The following CACNB2 variants were observed in gnomAD, a reference collection of about 807,000 sequenced individuals.
CACNB2 encodes the protein voltage-dependent L-type calcium channel subunit beta-2.
CACNB2 carries 42 observed loss-of-function variants against 73.3 expected under a neutral mutation model. That is an observed-to-expected ratio of 0.57 (90% CI 0.45 to 0.74). The LOEUF (loss-of-function observed/expected upper bound fraction) is 0.74, where lower values mean the gene tolerates loss of function less well. Ranked by LOEUF, CACNB2 falls within the 30% of genes least tolerant of loss-of-function variation. The pLI, the probability that CACNB2 is intolerant of heterozygous loss-of-function variation, is 0.00. For synonymous variants in CACNB2, 348 were observed against 310.3 expected (o/e 1.12, Z -1.28); for missense variants, 940 against 853.0 (o/e 1.10, Z -1.27).
intron 2 of CACNB2, among the ~76,000 whole-genome samples, chr10:18,197,182 C>T (rs776576949): frequency 2.0e-4 from 31 of 152,122 alleles, no homozygotes; most frequent in Non-Finnish European, 4.1e-4. Context: ...TTTCGTTCCT[C>T]GTCTTGTTCT....
intron 2 of CACNB2, among the ~76,000 whole-genome samples, chr10:18,211,211 G>A (rs11013024): frequency 0.014 from 2,207 of 152,222 alleles, 69 homozygotes; most frequent in East Asian, 0.13. Context: ...AGAGGAAGAT[G>A]GAAAAGAGAA....
Position 18,388,278 on chromosome 10 carries a change from C to T in CACNB2, c.214-13646C>T, listed in dbSNP as rs561567997. ...GGTATATGTCCAGTATTTTATTAAA[C>T]GTTCTGAATATAGTCTAGATTTTCT... is the stretch of plus-strand genomic sequence containing the variant. On this transcript the variant is annotated intron_variant, in intron 2 of 13. Coordinates refer to ENST00000324631, the MANE Select transcript of CACNB2 (RefSeq NM_201596.3). Among the ~76,000 whole-genome samples the T allele has an allele frequency of 1.6e-3, 246 of 152,234 alleles. 1 individual carries two copies. The highest frequency in any genetic ancestry group is 5.6e-3 in the African/African-American group (232 of 41,538).
At chr10:18,520,975 T>C (rs2051820821) in intron 9 of CACNB2, among the ~76,000 whole-genome samples, 1 of 152,228 alleles carries the variant, frequency 6.6e-6, no homozygotes, top group Non-Finnish European at 1.5e-5. Flanking sequence ...GACGATAAAC[T>C]CCATGAGGGC....
rs77141223 is a variant in CACNB2 at position 18,539,716 on chromosome 10, C to T, written c.1975C>T (p.Arg659Cys). The change falls in exon 14 of 14, where the codon CGC (arginine) becomes TGC (cysteine). Residue 659 changes from arginine (R) to cysteine (C), a missense_variant. Transcript: ENST00000324631. ...AGEWNRDVYI[R>C]Q ...GGAGTGGAACAGGGATGTTTACATC[C>T]GCCAATGAGTTTTGCCCGTTTGTGT... is the stretch of plus-strand genomic sequence containing the variant. 2.2e-4 allele frequency: 359 copies of T among 1,605,158 alleles called. 1 individual carries two copies. In the African/African-American group the frequency reaches 3.7e-3, roughly 17 times the overall value.
chr10:18,460,097 T>C (rs1185341135), intron 3 of CACNB2, among the ~76,000 whole-genome samples: 1 of 152,212 alleles, frequency 6.6e-6, no homozygotes, highest in Non-Finnish European at 1.5e-5. Flanking sequence ...TCCATACATA[T>C]ATACACACGT....
intron 6 of CACNB2, among the ~76,000 whole-genome samples, chr10:18,507,943 G>A (rs894845012): frequency 6.6e-6 from 1 of 151,826 alleles, no homozygotes. Flanking sequence ...AAAACTATAG[G>A]ATTTTTTTTT....
chr10:18,177,063 C>A (rs2033635618), intron 2 of CACNB2, among the ~76,000 whole-genome samples: 1 of 152,052 alleles, frequency 6.6e-6, no homozygotes, highest in African/African-American at 2.4e-5. Context: ...CAACCCTAAA[C>A]CCTAAGGCTG....
chr10:18,222,182 C>A (rs1453688127), intron 2 of CACNB2, among the ~76,000 whole-genome samples: 1 of 152,182 alleles, frequency 6.6e-6, no homozygotes, highest in Non-Finnish European at 1.5e-5. Context: ...AAACAGCAGC[C>A]TACACTGGAA....
At chr10:18,222,023 C>G (rs1185700004) in intron 2 of CACNB2, among the ~76,000 whole-genome samples, 1 of 152,222 alleles carries the variant, frequency 6.6e-6, no homozygotes, top group African/African-American at 2.4e-5. Flanking sequence ...GGCTGGCAAA[C>G]TTGCCAAAGA....
chr10:18,539,957 T>C lies in CACNB2; in HGVS notation c.*233T>C, dbSNP rs1453903928. 2.1e-6 allele frequency: 1 copy of C among 469,778 alleles called. No homozygotes were observed. The highest frequency in any genetic ancestry group is 3.9e-5 in the East Asian group (1 of 25,546). 29.1% of individuals were successfully genotyped at this position (469,778 alleles called of 1,614,324 possible). On this transcript the variant is annotated 3_prime_UTR_variant, in exon 14 of 14. Transcript: ENST00000324631. Reference sequence around the variant, plus strand: ...GTATGGCTGCAGTCCTCCGGTTGCATACTGGACTCTTCAAAAACTGTTTTG... The same window carrying C: ...GTATGGCTGCAGTCCTCCGGTTGCACACTGGACTCTTCAAAAACTGTTTTG...
chr10:18,312,558 A>G (rs2040002026), intron 2 of CACNB2, among the ~76,000 whole-genome samples: 1 of 152,178 alleles, frequency 6.6e-6, no homozygotes, highest in African/African-American at 2.4e-5. Flanking sequence ...TGTTAAGGTC[A>G]CTGTATCAGT....
At chr10:18,246,688 C>G (rs1246602980) in intron 2 of CACNB2, among the ~76,000 whole-genome samples, 13 of 152,192 alleles carry the variant, frequency 8.5e-5, no homozygotes, top group Non-Finnish European at 1.9e-4. Context: ...TCAAGTGATC[C>G]TCCCGCCTCA....
intron 2 of CACNB2, among the ~76,000 whole-genome samples, chr10:18,239,352 T>C (rs2036563891): frequency 6.6e-6 from 1 of 152,090 alleles, no homozygotes; most frequent in Non-Finnish European, 1.5e-5. Context: ...TATTCCACTT[T>C]ATGGGTCCAT....
intron 10 of CACNB2, among the ~76,000 whole-genome samples, chr10:18,532,669 T>A (rs1354759621): frequency 3.4e-5 from 4 of 116,384 alleles, no homozygotes; most frequent in East Asian, 2.3e-4. Context: ...AGAGAGAGAC[T>A]CTGTCTCAAA....
intron 3 of CACNB2, among the ~76,000 whole-genome samples, chr10:18,411,260 G>C (rs1453490056): frequency 6.6e-6 from 1 of 152,064 alleles, no homozygotes; most frequent in African/African-American, 2.4e-5. Context: ...TTCTACCTGT[G>C]ATAAATAAAA....
intron 2 of CACNB2, among the ~76,000 whole-genome samples, chr10:18,216,133 T>A (rs2035501538): frequency 1.4e-5 from 2 of 144,768 alleles, no homozygotes; most frequent in African/African-American, 2.6e-5. Context: ...CCGTCTCAAC[T>A]AAAAAAAAAA....
chr10:18,275,652 T>C (rs1430111863), intron 2 of CACNB2, among the ~76,000 whole-genome samples: 1 of 152,114 alleles, frequency 6.6e-6, no homozygotes, highest in Non-Finnish European at 1.5e-5. Context: ...AATTTATTTT[T>C]CTAAAAAAAG....
At chr10:18,439,609 C>G (rs1321839098) in intron 3 of CACNB2, among the ~76,000 whole-genome samples, 2 of 152,202 alleles carry the variant, frequency 1.3e-5, no homozygotes. Context: ...CCGCTATCAC[C>G]TTTGAAATCA....
intron 2 of CACNB2, among the ~76,000 whole-genome samples, chr10:18,178,174 G>C (rs2033700775): frequency 6.6e-6 from 1 of 152,158 alleles, no homozygotes; most frequent in African/African-American, 2.4e-5. Context: ...GGAGTATGAT[G>C]CGACTTTATC....
Sources: allele counts gnomAD v4.1 joint callset (sites outside exome capture counted in the v4.1 genomes callset), GRCh38; gene constraint gnomAD v4.1.1; transcripts MANE v1.5; gene names NCBI Gene and HGNC (gene_info 2026-07-23, HGNC 2026-07-21).